DOCK3: variants seen among roughly 807,000 people sequenced by gnomAD.
DOCK3 encodes dedicator of cytokinesis 3.
DOCK3 carries 60 observed loss-of-function variants against 265.6 expected under a neutral mutation model. The ratio of observed to expected loss-of-function variants is 0.23; its 90% confidence interval spans 0.18 to 0.28. The LOEUF (loss-of-function observed/expected upper bound fraction) is 0.28, where lower values mean the gene tolerates loss of function less well. DOCK3 is among the 10% of genes least tolerant of loss of function. The probability of loss-of-function intolerance (pLI) is 1.00; values close to 1 mark genes in which losing one functional copy is unlikely to be tolerated. For missense variants in DOCK3, 1,981 were observed against 2,594.3 expected (o/e 0.76, Z 5.14); for synonymous variants, 881 against 938.0 (o/e 0.94, Z 1.11).
chr3:50,938,381 A>G (rs1474885750), intron 5 of DOCK3, among the ~76,000 whole-genome samples: 1 of 152,178 alleles, frequency 6.6e-6, no homozygotes, highest in Non-Finnish European at 1.5e-5. Flanking sequence ...GGCAATAGTC[A>G]TCAGGAATAG....
chr3:50,788,557 C>T (rs2042300667), intron 2 of DOCK3, among the ~76,000 whole-genome samples: 1 of 152,232 alleles, frequency 6.6e-6, no homozygotes, highest in Admixed American at 6.5e-5. Flanking sequence ...CCACCTCCAC[C>T]GCCTAGATCA....
At chr3:50,900,431 T>C (rs553445273) in intron 4 of DOCK3, among the ~76,000 whole-genome samples, 5 of 152,306 alleles carry the variant, frequency 3.3e-5, no homozygotes, top group Non-Finnish European at 7.4e-5. Flanking sequence ...CATGCTCCTT[T>C]AGCTTGGAGG....
intron 14 of DOCK3, among the ~76,000 whole-genome samples, chr3:51,222,654 C>T (rs929830506): frequency 2.6e-5 from 4 of 152,126 alleles, no homozygotes; most frequent in African/African-American, 9.7e-5. Flanking sequence ...GGTCTGTTCT[C>T]CAAATAAAGA....
intron 43 of DOCK3, 145 bp downstream of exon 43, chr3:51,356,638 C>T (rs2086384395): frequency 1.3e-6 from 1 of 769,084 alleles, no homozygotes; most frequent in Admixed American, 2.5e-5. Flanking sequence ...GTGCTAGGAT[C>T]TTTGTGTACC....
At chr3:50,910,999 G>GT (rs35682598) in intron 4 of DOCK3, among the ~76,000 whole-genome samples, 132 of 147,614 alleles carry the variant, frequency 8.9e-4, no homozygotes, top group Middle Eastern at 3.5e-3. Context: ...TCATTTGTCT[G>GT]TTTTTTTTTT....
chr3:50,746,484 G>A (rs1559585584), intron 1 of DOCK3, among the ~76,000 whole-genome samples: 2 of 152,028 alleles, frequency 1.3e-5, no homozygotes, highest in African/African-American at 2.4e-5. Flanking sequence ...TTGCCTAACC[G>A]AAGGTCATGA....
intron 1 of DOCK3, among the ~76,000 whole-genome samples, chr3:50,734,897 C>G (rs1269603696): frequency 6.6e-6 from 1 of 152,130 alleles, no homozygotes; most frequent in East Asian, 1.9e-4. Context: ...GCCACCGCGC[C>G]CAGCCTGCAG....
intron 3 of DOCK3, among the ~76,000 whole-genome samples, chr3:50,867,434 G>A (rs2047198192): frequency 6.6e-6 from 1 of 151,956 alleles, no homozygotes; most frequent in Non-Finnish European, 1.5e-5. Flanking sequence ...TCTGATTGCT[G>A]TACCTAGGAC....
intron 12 of DOCK3, among the ~76,000 whole-genome samples, chr3:51,184,578 C>T (rs528503260): frequency 6.6e-6 from 1 of 151,502 alleles, no homozygotes; most frequent in East Asian, 1.9e-4. Context: ...AATTTTAACC[C>T]AAAGTATAAG....
At chr3:50,912,129 C>T (rs1409086450) in intron 4 of DOCK3, among the ~76,000 whole-genome samples, 1 of 152,068 alleles carries the variant, frequency 6.6e-6, no homozygotes, top group Non-Finnish European at 1.5e-5. Flanking sequence ...AACAGTTTTA[C>T]TTCCTCCGTT....
intron 40 of DOCK3, among the ~76,000 whole-genome samples, chr3:51,354,038 T>G (rs2086190422): frequency 6.6e-6 from 1 of 152,180 alleles, no homozygotes; most frequent in South Asian, 2.1e-4. Flanking sequence ...ACATAAAGTT[T>G]TAAGAAGTCT....
intron 4 of DOCK3, among the ~76,000 whole-genome samples, chr3:50,892,015 G>T (rs984622686): frequency 2.0e-5 from 3 of 152,066 alleles, no homozygotes; most frequent in Non-Finnish European, 2.9e-5. Context: ...ATCTTAGAAA[G>T]CTATTTGGAA....
intron 12 of DOCK3, among the ~76,000 whole-genome samples, chr3:51,181,718 TGA>T (rs911250996): frequency 6.6e-5 from 10 of 152,132 alleles, no homozygotes; most frequent in Non-Finnish European, 1.5e-4. Context: ...GAGGAGTTCC[TGA>T]GAGAGAAGGA....
intron 1 of DOCK3, among the ~76,000 whole-genome samples, chr3:50,751,568 T>C (rs1226628873): frequency 6.6e-6 from 1 of 152,226 alleles, no homozygotes; most frequent in African/African-American, 2.4e-5. Context: ...CTGAGATTCA[T>C]AGTAGTCTTC....
chr3:50,995,879 C>G (rs560790039), intron 5 of DOCK3, among the ~76,000 whole-genome samples: 108 of 152,250 alleles, frequency 7.1e-4, no homozygotes, highest in Non-Finnish European at 1.3e-3. Flanking sequence ...ATTCTGTCAT[C>G]AAGTATTGTA....
rs1181294345 is a variant in DOCK3, at chr3:50,849,201, A to AT, written c.162+7492dup. ...AGGCACATGCCATCATGCCTGGCTA[A>AT]TTTTTTAATTTTTTGTAGAGACAGG... On this transcript the variant is annotated intron_variant, in intron 3 of 52. Coordinates refer to ENST00000266037, the MANE Select transcript of DOCK3 (RefSeq NM_004947.5). 6.6e-5 allele frequency among the ~76,000 whole-genome samples: 10 copies of AT among 151,864 alleles called. No individual in the cohort carries two copies. In the South Asian group the frequency reaches 1.7e-3, roughly 25 times the overall value.
At chr3:51,116,755 T>A (rs1248832224) in intron 9 of DOCK3, among the ~76,000 whole-genome samples, 1 of 151,950 alleles carries the variant, frequency 6.6e-6, no homozygotes. Flanking sequence ...GTGATTTGGC[T>A]CTCTATTTGT....
intron 5 of DOCK3, among the ~76,000 whole-genome samples, chr3:50,994,667 G>A (rs1575705084): frequency 6.6e-6 from 1 of 152,244 alleles, no homozygotes; most frequent in South Asian, 2.1e-4. Context: ...ACAGTTGGCA[G>A]TATGGTTGTA....
Position 51,248,533 on chromosome 3 carries a change from C to T in DOCK3, c.2184+1726C>T, listed in dbSNP as rs1005798529. Among the ~76,000 whole-genome samples, 6 of 152,120 alleles carry T rather than the reference C, an allele frequency of 3.9e-5. No individual in the cohort carries two copies. In the East Asian group the frequency reaches 1.2e-3, roughly 29 times the overall value. On this transcript the variant is annotated intron_variant, in intron 22 of 52. Coordinates refer to ENST00000266037, the MANE Select transcript of DOCK3 (RefSeq NM_004947.5). ...AGGCTGGAGTGCAGTGGCGTGATCT[C>T]GGCTCGCTACAACCTCCACCTCCCA... is the stretch of plus-strand genomic sequence containing the variant.
Sources: allele counts gnomAD v4.1 joint callset (sites outside exome capture counted in the v4.1 genomes callset), GRCh38; gene constraint gnomAD v4.1.1; transcripts MANE v1.5; gene names NCBI Gene and HGNC (gene_info 2026-07-23, HGNC 2026-07-21).